MFSD12: variants seen among roughly 807,000 people sequenced by gnomAD.
MFSD12 encodes major facilitator superfamily domain containing 12.
Under a neutral mutation model 51.2 loss-of-function variants are expected in MFSD12, and 67 were observed. That is an observed-to-expected ratio of 1.31 (90% CI 1.08 to 1.60). The LOEUF is 1.60. Ranked by LOEUF, MFSD12 falls within the 40% of genes most tolerant of loss-of-function variation. The pLI is 0.00. For missense variants in MFSD12, 921 were observed against 673.0 expected (o/e 1.37, Z -4.08); for synonymous variants, 441 against 316.7 (o/e 1.39, Z -4.17).
rs1264348633 is a variant in MFSD12 at position 3,551,356 on chromosome 19, C to G, written c.299-162G>C. On this transcript the variant is annotated intron_variant, in intron 1 of 9. Coordinates refer to ENST00000355415, the MANE Select transcript of MFSD12 (RefSeq NM_174983.5). This position sits in a 1 kb window ranked among gnomAD's most constrained non-coding sequence, Gnocchi z 4.6. Reference sequence around the variant, plus strand: ...GCGAGGGTCTGCAGTCGGGGTCCCCCAGGCTTATGGCCCCTGGTGACAAAA... The same window carrying G: ...GCGAGGGTCTGCAGTCGGGGTCCCCGAGGCTTATGGCCCCTGGTGACAAAA... Among the ~76,000 whole-genome samples the G allele has an allele frequency of 6.6e-6, 1 of 152,210 alleles. No individual in the cohort carries two copies. The highest frequency in any genetic ancestry group is 2.4e-5 in the African/African-American group (1 of 41,458).
chr19:3,542,882 G>A (rs1273427436), downstream of MFSD12: 4 of 1,400,580 alleles, frequency 2.9e-6, no homozygotes, highest in Non-Finnish European at 3.8e-6. Flanking sequence ...CAGAGGAAGG[G>A]ACTTGTGGGT....
At chr19:3,540,385 G>C (rs1365459375), downstream of MFSD12, among the ~76,000 whole-genome samples, 1 of 151,668 alleles carries the variant, frequency 6.6e-6, no homozygotes, top group Non-Finnish European at 1.5e-5. Flanking sequence ...AGCCTCCCAA[G>C]TAGCTGGGAT....
In MFSD12 at chr19:3,547,995, C is replaced by T. The variant is rs764084073; in HGVS notation, c.690G>A (p.Val230=). 5 of 1,599,000 alleles carry T rather than the reference C, an allele frequency of 3.1e-6. No individual in the cohort carries two copies. Among genetic ancestry groups the T allele is most frequent in the South Asian group, 2.2e-5 (2 of 91,016 alleles). Reference sequence around the variant, plus strand: ...TGCCCAGGTGGAATAGCAGTGAGAACACGGCGCCGACACCCACCACCAGCA... The same window carrying T: ...TGCCCAGGTGGAATAGCAGTGAGAATACGGCGCCGACACCCACCACCAGCA... ...LSLLVVGVGA[V]FSLLFHLGTR... The change falls in exon 4 of 10, where the codon GTG becomes GTA. Residue 230 remains valine, a synonymous_variant. Transcript: ENST00000355415.
downstream of MFSD12, chr19:3,544,041 C>T: frequency 6.6e-7 from 1 of 1,505,590 alleles, no homozygotes; most frequent in Non-Finnish European, 8.9e-7. Flanking sequence ...CCCACTGTCT[C>T]TGCACCCAGA....
In MFSD12 at chr19:3,547,306, A is replaced by G. The variant is rs2031145916; in HGVS notation, c.989T>C (p.Leu330Pro). The change falls in exon 6 of 10, where the codon CTC (leucine) becomes CCC (proline). Residue 330 changes from leucine (L) to proline (P), a missense_variant. Physicochemically the swap from Leu to Pro is moderately conservative, Grantham distance 98 (BLOSUM62 -3). Coordinates refer to ENST00000355415, the MANE Select transcript of MFSD12 (RefSeq NM_174983.5). ...AATGCACTTGTTGATGGGCTTCATG[A>G]GGAAGGAGGACAAGAAGCCGCTGAG... ...MYLSGFLSSF[L>P]MKPINKCIGR... The G allele has an allele frequency of 6.2e-7, 1 of 1,613,034 alleles. No individual in the cohort carries two copies. The highest frequency in any genetic ancestry group is 8.5e-7 in the Non-Finnish European group (1 of 1,179,896).
chr19:3,548,792 G>A (rs1568258659), intron 2 of MFSD12, among the ~76,000 whole-genome samples: 1 of 152,236 alleles, frequency 6.6e-6, no homozygotes, highest in Non-Finnish European at 1.5e-5. Context: ...AGCTGGCAAA[G>A]CAATGGCACG....
intron 2 of MFSD12, among the ~76,000 whole-genome samples, chr19:3,548,997 A>T: frequency 6.6e-6 from 1 of 152,204 alleles, no homozygotes; most frequent in East Asian, 1.9e-4. Context: ...AGGCGCTGTG[A>T]GGACCCTGGC....
chr19:3,548,120 C>G lies in MFSD12; in HGVS notation c.654+3G>C. ...CAGGCGACCCACCCGGACTCCAGCTCACCCGGAACACGGGCACGTCCTGGC... is the reference window on the plus strand; with the variant it reads ...CAGGCGACCCACCCGGACTCCAGCTGACCCGGAACACGGGCACGTCCTGGC... On this transcript the variant is annotated splice_donor_region_variant and intron_variant, in intron 3 of 9. Coordinates refer to ENST00000355415, the MANE Select transcript of MFSD12 (RefSeq NM_174983.5). 1 of 1,606,220 alleles carries G rather than the reference C, an allele frequency of 6.2e-7. No individual in the cohort carries two copies. Among genetic ancestry groups the G allele is most frequent in the Non-Finnish European group, 8.5e-7 (1 of 1,178,892 alleles).
Position 3,538,831 on chromosome 19 carries a change from C to A in MFSD12, c.*6-75G>T, listed in dbSNP as rs918267464. On this transcript the variant is annotated intron_variant, in intron 4 of 4. Transcript: ENST00000398558. ...AGCTGGGGTGACAGGTGCCTGCGAC[C>A]CCGGCCAGGCACTGCCTCCTGCGAT... is the stretch of plus-strand genomic sequence containing the variant. 2.5e-5 allele frequency: 14 copies of A among 560,696 alleles called. No individual in the cohort carries two copies. The African/African-American group carries it at 2.6e-4, about 10-fold the overall frequency. The allele number at this position is 560,696 out of a possible 1,614,324, so 34.7% of individuals were successfully genotyped here.
intron 6 of MFSD12, among the ~76,000 whole-genome samples, chr19:3,546,733 C>A (rs2031090766): frequency 6.6e-6 from 1 of 152,230 alleles, no homozygotes; most frequent in Non-Finnish European, 1.5e-5. Context: ...CCCTCAGTAG[C>A]TGCACAGGGT....
Position 3,544,406 on chromosome 19 carries a change from C to T in MFSD12, c.*304G>A, listed in dbSNP as rs762572163. On this transcript the variant is annotated 3_prime_UTR_variant, in exon 10 of 10. Coordinates refer to ENST00000355415, the MANE Select transcript of MFSD12 (RefSeq NM_174983.5). ...TGGACTGAGCTCAGGGTTAGGGTTCCCCCAGACCCTTCTGGGATTCCTACT... is the reference window on the plus strand; with the variant it reads ...TGGACTGAGCTCAGGGTTAGGGTTCTCCCAGACCCTTCTGGGATTCCTACT... The T allele has an allele frequency of 2.2e-5, 29 of 1,321,448 alleles. No homozygotes were observed. Among genetic ancestry groups the T allele is most frequent in the Non-Finnish European group, 2.6e-5 (27 of 1,036,832 alleles). The allele number at this position is 1,321,448 out of a possible 1,614,324, so 81.9% of individuals were successfully genotyped here.
chr19:3,543,377 T>C, downstream of MFSD12: 1 of 1,549,104 alleles, frequency 6.5e-7, no homozygotes, highest in Non-Finnish European at 8.7e-7. Context: ...CTGGGAAGCC[T>C]GGTACAACCT....
At chr19:3,541,187 T>A (rs1216942465), downstream of MFSD12, among the ~76,000 whole-genome samples, 3 of 97,830 alleles carry the variant, frequency 3.1e-5, no homozygotes, top group Non-Finnish European at 6.0e-5. Context: ...AAAAAAAAAA[T>A]CAACCAGGCA....
In MFSD12 at chr19:3,544,327, T is replaced by G. The variant is rs968737104; in HGVS notation, c.*383A>C. On this transcript the variant is annotated 3_prime_UTR_variant, in exon 10 of 10. Coordinates refer to ENST00000355415, the MANE Select transcript of MFSD12 (RefSeq NM_174983.5). ...TGTCTCCTCCAGGCTCCAGCCGTCC[T>G]GAGGGGGCCCTGGCAGTGTCTGGAG... The G allele has an allele frequency of 1.6e-6, 2 of 1,267,368 alleles. No homozygotes were observed. The highest frequency in any genetic ancestry group is 3.0e-5 in the African/African-American group (2 of 65,762). The allele number at this position is 1,267,368 out of a possible 1,614,324, so 78.5% of individuals were successfully genotyped here.
chr19:3,554,450 C>CAAAAAAAA (rs1187548758), intron 1 of MFSD12, among the ~76,000 whole-genome samples: 9 of 71,712 alleles, frequency 1.3e-4, no homozygotes, highest in Admixed American at 1.5e-4. Flanking sequence ...AACAACAAAA[C>CAAAAAAAA]AAAAAAAAAA....
rs577708012 is a variant in MFSD12 at position 3,545,785 on chromosome 19, G to C, written c.1289+289C>G. Among the ~76,000 whole-genome samples the C allele has an allele frequency of 1.2e-4, 19 of 152,342 alleles. No individual in the cohort carries two copies. The South Asian group carries it at 3.9e-3, about 32-fold the overall frequency. On this transcript the variant is annotated intron_variant, in intron 8 of 9. Transcript: ENST00000355415. ...CATCCATGTCTGAACCCTGAGTTCTGTGGGTCTGGGTTACACGGACTCGGG... is the reference window on the plus strand; with the variant it reads ...CATCCATGTCTGAACCCTGAGTTCTCTGGGTCTGGGTTACACGGACTCGGG...
chr19:3,543,518 G>A, downstream of MFSD12: 1 of 1,527,766 alleles, frequency 6.5e-7, no homozygotes, highest in Admixed American at 2.0e-5. Context: ...CTGCCAGAGG[G>A]GGACAGGAAT....
intron 4 of MFSD12, chr19:3,539,133 G>T: frequency 1.5e-6 from 2 of 1,348,052 alleles, no homozygotes; most frequent in Non-Finnish European, 2.1e-6. Flanking sequence ...TGTCAACGGT[G>T]GCCTCAGAGG....
downstream of MFSD12, chr19:3,542,300 G>A: frequency 1.0e-6 from 1 of 985,378 alleles, no homozygotes; most frequent in African/African-American, 1.7e-5. Context: ...AGTCTAGTCA[G>A]GATTTAAGCA....
Sources: gnomAD v4.1 joint callset for allele counts (sites outside exome capture counted in the v4.1 genomes callset) on GRCh38, gnomAD v4.1.1 for gene constraint, Gnocchi (gnomAD v3.1) non-coding constraint, MANE v1.5 for transcripts, NCBI Gene and HGNC (gene_info 2026-07-23, HGNC 2026-07-21) for gene names.